HABP2: variants seen among roughly 807,000 people sequenced by gnomAD.
HABP2 encodes the protein hyaluronan binding protein 2, also known as factor VII-activating protease.
A neutral mutation model predicts 66.5 loss-of-function variants in HABP2; 65 were observed. The ratio of observed to expected loss-of-function variants is 0.98; its 90% CI spans 0.80 to 1.20. The LOEUF is 1.20. Among genes scored for constraint, HABP2 ranks in the 50% most tolerant of loss-of-function variants. The pLI is 0.00. For synonymous variants in HABP2, 263 were observed against 253.9 expected, an observed-to-expected ratio of 1.04 and a Z score of -0.34; for missense variants, 786 against 691.0, an observed-to-expected ratio of 1.14 and a Z score of -1.54.
intron 2 of HABP2, 77 bp from the exon 3 acceptor site, chr10:113,574,212 G>A (rs1388984877): frequency 5.3e-6 from 4 of 755,596 alleles, no homozygotes; most frequent in East Asian, 2.5e-5. Context: ...TGGGGAAAAG[G>A]TGTCCAACTA....
At chr10:113,563,535 T>C (rs1286637754) in intron 1 of HABP2, among the ~76,000 whole-genome samples, 3 of 151,934 alleles carry the variant, frequency 2.0e-5, no homozygotes, top group African/African-American at 7.3e-5. Context: ...CAGCCCAAGC[T>C]GCACATCGGC....
chr10:113,580,555 A>C, intron 7 of HABP2, 40 bp from the exon 8 acceptor site: 1 of 1,041,640 alleles, frequency 9.6e-7, no homozygotes, highest in East Asian at 2.4e-5. Context: ...CAGTGTGTTC[A>C]TCAAGCCTTG....
intron 7 of HABP2, among the ~76,000 whole-genome samples, chr10:113,580,344 C>T (rs1030386461): frequency 6.6e-6 from 1 of 152,154 alleles, no homozygotes; most frequent in African/African-American, 2.4e-5. Context: ...TTGGTATGTC[C>T]TGTGGATCTG....
At position 113,574,239 on chromosome 10, in the gene HABP2, A is replaced by T. The variant is rs778401209; in HGVS notation, c.107-50A>T. 5 of 915,920 alleles carry T rather than the reference A, an allele frequency of 5.5e-6. No individual in the cohort carries two copies. The South Asian group carries it at 5.5e-5, about 10-fold the overall frequency. 56.7% of individuals were successfully genotyped at this position (915,920 alleles called of 1,614,324 possible). A position where few individuals can be genotyped will look rare whatever the true frequency, so the allele number is the denominator to read the frequency against. On this transcript the variant is annotated intron_variant, in intron 2 of 12. Transcript: ENST00000351270. ...GTCCAACTAAATAAAATGCTGGCCT[A>T]TTTGAGTGTAATGATTAGGATTTCT... is the stretch of plus-strand genomic sequence containing the variant.
intron 4 of HABP2, 30 bp from the exon 5 acceptor site, chr10:113,577,120 A>G (rs1845425348): frequency 1.6e-6 from 2 of 1,236,682 alleles, no homozygotes; most frequent in Non-Finnish European, 2.4e-6. Flanking sequence ...TGTGCCCCAA[A>G]TAATGTCTTA....
intron 1 of HABP2, among the ~76,000 whole-genome samples, chr10:113,557,408 A>C (rs1845017394): frequency 6.6e-6 from 1 of 152,210 alleles, no homozygotes; most frequent in South Asian, 2.1e-4. Flanking sequence ...GTATACAGGC[A>C]CGGGTATATT....
In HABP2 at chr10:113,588,260, G is replaced by A. The variant is rs1403881765; in HGVS notation, c.1574G>A (p.Gly525Glu). The A allele has an allele frequency of 6.2e-7, 1 of 1,613,692 alleles. No homozygotes were observed. Among genetic ancestry groups the A allele is most frequent in the Non-Finnish European group, 8.5e-7 (1 of 1,179,760 alleles). The part of the protein sequence containing the change: ...CEKDGTYYVY[G>E]IVSWGLECGK... The stretch of plus-strand genomic sequence containing the variant: ...AAGGACGGCACCTACTACGTCTATG[G>A]GATAGTGAGCTGGGGCCTGGAGTGT... The change falls in exon 13 of 13, where the codon GGG (glycine) becomes GAG (glutamate). Residue 525 changes from glycine (G) to glutamate (E), a missense_variant. Physicochemically the swap from Gly to Glu is moderately conservative, Grantham distance 98 (BLOSUM62 -2). Transcript: ENST00000351270.
chr10:113,589,216 A>G lies in HABP2; in HGVS notation c.*847A>G. The G allele has an allele frequency of 1.5e-6, 1 of 656,954 alleles. No individual in the cohort carries two copies. The highest frequency in any genetic ancestry group is 1.8e-5 in the African/African-American group (1 of 54,802). The allele number at this position is 656,954 out of a possible 1,614,324, so 40.7% of individuals were successfully genotyped here. On this transcript the variant is annotated 3_prime_UTR_variant, in exon 13 of 13. Transcript: ENST00000351270. Reference sequence around the variant, plus strand: ...CCTCCCTTTCCTTTTCCCCTCTTCTACCCTCCCCAAGAAAAAGGGCCTTCA... The same window carrying G: ...CCTCCCTTTCCTTTTCCCCTCTTCTGCCCTCCCCAAGAAAAAGGGCCTTCA...
chr10:113,557,598 G>C (rs568013073), intron 1 of HABP2, among the ~76,000 whole-genome samples: 1 of 152,126 alleles, frequency 6.6e-6, no homozygotes, highest in African/African-American at 2.4e-5. Context: ...AATGGTTGGC[G>C]GGGAGGGGGT....
rs1435743671 is a variant in HABP2 at position 113,574,335 on chromosome 10, G to A, written c.153G>A (p.Gln51=). 1.9e-6 allele frequency: 3 copies of A among 1,608,850 alleles called. No homozygotes were observed. The highest frequency in any genetic ancestry group is 2.2e-5 in the South Asian group (2 of 90,974). Residue 51 remains glutamine (Q), a synonymous_variant, in exon 3 of 13, where the codon CAG becomes CAA. Coordinates refer to ENST00000351270, the MANE Select transcript of HABP2 (RefSeq NM_004132.5). ...QYDYSYEDYN[Q]EENTSSTLTH... Reference sequence around the variant, plus strand: ...ATTACAGCTACGAGGATTATAATCAGGAAGAGAACACCAGTAGCACACTTA... The same window carrying A: ...ATTACAGCTACGAGGATTATAATCAAGAAGAGAACACCAGTAGCACACTTA...
rs772097319 is a variant in HABP2 at position 113,575,932 on chromosome 10, G to A, written c.259G>A (p.Asp87Asn). 23 of 1,612,028 alleles carry A rather than the reference G, an allele frequency of 1.4e-5. No individual in the cohort carries two copies. The Admixed American group carries it at 1.7e-4, about 12-fold the overall frequency. Residue 87 changes from aspartate to asparagine, a missense_variant, in exon 4 of 13, where the codon GAC becomes AAC. Asp to Asn is a conservative substitution (Grantham distance 23). Coordinates refer to ENST00000351270, the MANE Select transcript of HABP2 (RefSeq NM_004132.5). ...GCCCAACCCCTGTGAACACGGTGGG[G>A]ACTGCCTCGTCCATGGGAGCACCTT... is the stretch of plus-strand genomic sequence containing the variant. ...CQPNPCEHGGDCLVHGSTFTC... is the reference protein window; with the variant it reads ...CQPNPCEHGGNCLVHGSTFTC...
intron 10 of HABP2, among the ~76,000 whole-genome samples, chr10:113,583,785 T>C (rs1204085029): frequency 6.6e-6 from 1 of 152,182 alleles, no homozygotes; most frequent in African/African-American, 2.4e-5. Context: ...CCAGTGCAAA[T>C]GCAATGACGT....
At position 113,589,118 on chromosome 10, in the gene HABP2, C is replaced by G. The variant is rs777125342; in HGVS notation, c.*749C>G. On this transcript the variant is annotated 3_prime_UTR_variant, in exon 13 of 13. Coordinates refer to ENST00000351270, the MANE Select transcript of HABP2 (RefSeq NM_004132.5). ...ACATACCCCAAGTTAAAATGAAGCTCCCCCACCCCCACTCCCGGCCCCGGT... is the reference window on the plus strand; with the variant it reads ...ACATACCCCAAGTTAAAATGAAGCTGCCCCACCCCCACTCCCGGCCCCGGT... 19 of 1,539,758 alleles carry G rather than the reference C, an allele frequency of 1.2e-5. No homozygotes were observed. The highest frequency in any genetic ancestry group is 1.6e-5 in the Non-Finnish European group (18 of 1,115,512).
At chr10:113,588,161 G>A in intron 12 of HABP2, 44 bp from the exon 13 acceptor site, 1 of 1,516,180 alleles carries the variant, frequency 6.6e-7, no homozygotes, top group Non-Finnish European at 9.0e-7. Flanking sequence ...ATCTCCAGAT[G>A]TCTCTGGTTC....
chr10:113,585,865 T>C lies in HABP2; in HGVS notation c.1445T>C (p.Leu482Pro), dbSNP rs1845622868. The C allele has an allele frequency of 6.2e-7, 1 of 1,613,660 alleles. No individual in the cohort carries two copies. The highest frequency in any genetic ancestry group is 8.5e-7 in the Non-Finnish European group (1 of 1,179,574). Reference protein sequence around the residue: ...IANTLCNSRQLYDHMIDDSMI... With the variant: ...IANTLCNSRQPYDHMIDDSMI... ...AACACTTTGTGCAACTCCCGCCAAC[T>C]CTATGACCACATGATTGATGACAGT... The change falls in exon 12 of 13, where the codon CTC becomes CCC. Residue 482 changes from leucine (L) to proline (P), a missense_variant. Leu to Pro is a moderately conservative substitution (Grantham distance 98). Coordinates refer to ENST00000351270, the MANE Select transcript of HABP2 (RefSeq NM_004132.5).
intron 1 of HABP2, among the ~76,000 whole-genome samples, chr10:113,561,572 C>T (rs1845101047): frequency 2.6e-5 from 4 of 152,088 alleles, no homozygotes; most frequent in Admixed American, 2.6e-4. Context: ...TAGGGTAGAA[C>T]ATGCAAGGAA....
intron 7 of HABP2, among the ~76,000 whole-genome samples, chr10:113,579,247 CAAAAAAAGAAAAA>C (rs1346046879): frequency 1.4e-5 from 2 of 139,294 alleles, no homozygotes; most frequent in Non-Finnish European, 3.1e-5. Context: ...GACCCTGTCT[CAAAAAAAGAAAAA>C]AAAAAAAGAA....
At chr10:113,575,147 G>A (rs778347601) in intron 3 of HABP2, among the ~76,000 whole-genome samples, 72 of 152,218 alleles carry the variant, frequency 4.7e-4, no homozygotes, top group Non-Finnish European at 7.1e-4. Context: ...CTGGAAGGCA[G>A]GGCCAAGATA....
chr10:113,568,030 C>T (rs1845232520), intron 2 of HABP2, among the ~76,000 whole-genome samples: 2 of 152,242 alleles, frequency 1.3e-5, no homozygotes, highest in Admixed American at 6.5e-5. Context: ...TCCTCAGGCT[C>T]GACGCGTCTA....
Sources: allele counts gnomAD v4.1 joint callset (sites outside exome capture counted in the v4.1 genomes callset), GRCh38; gene constraint gnomAD v4.1.1; transcripts MANE v1.5; gene names NCBI Gene and HGNC (gene_info 2026-07-23, HGNC 2026-07-21).